The following ZNF560 variants were observed in gnomAD, a reference collection of about 807,000 sequenced individuals.
ZNF560 encodes zinc finger protein 560.
Under a neutral mutation model 81.8 loss-of-function variants are expected in ZNF560, and 54 were observed. The ratio of observed to expected loss-of-function variants is 0.66; its 90% confidence interval spans 0.53 to 0.83. ZNF560 has a LOEUF of 0.83. Among genes scored for constraint, ZNF560 ranks in the 40% least tolerant of loss-of-function variants. The pLI, the probability that ZNF560 is intolerant of heterozygous loss-of-function variation, is 0.00. For missense variants in ZNF560, 940 were observed against 932.4 expected (o/e 1.01, Z -0.11); for synonymous variants, 321 against 317.9 (o/e 1.01, Z -0.10).
chr19:9,460,182 A>G, the ZNF560 span, among the ~76,000 whole-genome samples: 2 of 152,124 alleles, frequency 1.3e-5, no homozygotes, highest in Admixed American at 6.5e-5. Flanking sequence ...AGGATCCCAA[A>G]CACCCACTGG....
At chr19:9,449,867 G>A in the ZNF560 span, among the ~76,000 whole-genome samples, 1 of 151,562 alleles carries the variant, frequency 6.6e-6, no homozygotes, top group African/African-American at 2.4e-5. Context: ...TACTTGGGAG[G>A]CTGAGGCAGG....
At chr19:9,450,358 G>C in the ZNF560 span, among the ~76,000 whole-genome samples, 3 of 151,822 alleles carry the variant, frequency 2.0e-5, no homozygotes, top group Non-Finnish European at 4.4e-5. Context: ...AGTACTAGGA[G>C]TCCCAGCCAG....
chr19:9,471,523 T>A, intron 5 of ZNF560, 145 bp from the exon 6 acceptor site: 1 of 561,450 alleles, frequency 1.8e-6, no homozygotes. Context: ...TTAGACTGTG[T>A]CAAAAAATTG....
At chr19:9,479,847 T>C (rs2073258378) in intron 2 of ZNF560, among the ~76,000 whole-genome samples, 1 of 151,850 alleles carries the variant, frequency 6.6e-6, no homozygotes, top group Non-Finnish European at 1.5e-5. Flanking sequence ...GACTTGAACA[T>C]GCCTAAATTT....
intron 4 of ZNF560, 49 bp downstream of exon 4, chr19:9,474,150 A>G (rs775573116): frequency 7.5e-6 from 12 of 1,609,280 alleles, no homozygotes; most frequent in Non-Finnish European, 1.0e-5. Context: ...GCAAGTACAC[A>G]ATGTATATCT....
At chr19:9,453,102 C>T in the ZNF560 span, among the ~76,000 whole-genome samples, 4 of 152,124 alleles carry the variant, frequency 2.6e-5, no homozygotes, top group South Asian at 2.1e-4. Context: ...GATGATGGGG[C>T]TCTCATGATA....
At chr19:9,488,669 A>C (rs923224469) in intron 2 of ZNF560, among the ~76,000 whole-genome samples, 4 of 152,158 alleles carry the variant, frequency 2.6e-5, no homozygotes, top group African/African-American at 4.8e-5. Context: ...GGGAACATGT[A>C]TGGGATGGAT....
intron 5 of ZNF560, among the ~76,000 whole-genome samples, chr19:9,471,632 A>C (rs2073124399): frequency 6.6e-6 from 1 of 152,232 alleles, no homozygotes; most frequent in African/African-American, 2.4e-5. Flanking sequence ...TGTTATCAGA[A>C]AAGTAGGAAA....
At chr19:9,465,171 G>A (rs1029014196), downstream of ZNF560, among the ~76,000 whole-genome samples, 5 of 140,072 alleles carry the variant, frequency 3.6e-5, no homozygotes, top group East Asian at 2.1e-4. Context: ...TCGCTCAGTC[G>A]CCAGGCTGGA....
At chr19:9,478,506 C>T (rs2073236798) in intron 2 of ZNF560, among the ~76,000 whole-genome samples, 1 of 152,032 alleles carries the variant, frequency 6.6e-6, no homozygotes, top group Non-Finnish European at 1.5e-5. Flanking sequence ...AATACTCAAA[C>T]ACTGTAATGG....
Position 9,466,969 on chromosome 19 carries a change from C to A in ZNF560, c.1978G>T (p.Ala660Ser), listed in dbSNP as rs776503523. Residue 660 changes from alanine to serine, a missense_variant, in exon 10 of 10, where the codon GCA becomes TCA. By Grantham distance (99) the Ala-to-Ser change is moderately conservative. Transcript: ENST00000301480. ...HTGYKPYKCN[A>S]CEKAYSRSCV... ...GACCTACTGTAAGCTTTTTCACATGCATTACATTTATAGGGTTTATATCCA... is the reference window on the plus strand; with the variant it reads ...GACCTACTGTAAGCTTTTTCACATGAATTACATTTATAGGGTTTATATCCA... 40 of 1,614,030 alleles carry A rather than the reference C, an allele frequency of 2.5e-5. No homozygotes were observed. The highest frequency in any genetic ancestry group is 3.2e-5 in the Non-Finnish European group (38 of 1,180,008).
upstream of ZNF560, among the ~76,000 whole-genome samples, chr19:9,499,403 C>T (rs1308540551): frequency 6.6e-6 from 1 of 152,160 alleles, no homozygotes; most frequent in Non-Finnish European, 1.5e-5. Context: ...CCATGTTGCC[C>T]AGGCTGGTCT....
chr19:9,452,038 T>C, the ZNF560 span, among the ~76,000 whole-genome samples: 2 of 151,888 alleles, frequency 1.3e-5, no homozygotes, highest in African/African-American at 4.8e-5. Context: ...ATTGTGCCAC[T>C]GCGCTCCAGC....
the ZNF560 span, among the ~76,000 whole-genome samples, chr19:9,506,570 A>G: frequency 6.6e-6 from 1 of 152,124 alleles, no homozygotes; most frequent in Non-Finnish European, 1.5e-5. Context: ...CAATATACTT[A>G]CCTTTACTAG....
the ZNF560 span, among the ~76,000 whole-genome samples, chr19:9,452,567 G>A: frequency 6.6e-6 from 1 of 152,272 alleles, no homozygotes. Context: ...ATACTACGCA[G>A]CCATAAAAAA....
the ZNF560 span, among the ~76,000 whole-genome samples, chr19:9,454,589 G>A: frequency 3.9e-3 from 598 of 152,246 alleles, 4 homozygotes; most frequent in East Asian, 0.039. Context: ...AGTCTGCCTC[G>A]GCAGCTCCTC....
At chr19:9,477,658 A>G (rs190921764) in intron 2 of ZNF560, among the ~76,000 whole-genome samples, 2 of 152,204 alleles carry the variant, frequency 1.3e-5, no homozygotes, top group African/African-American at 4.8e-5. Context: ...CCTTATATTG[A>G]CTATTTGATG....
intron 2 of ZNF560, among the ~76,000 whole-genome samples, chr19:9,485,275 A>G (rs1047851224): frequency 4.6e-5 from 7 of 152,210 alleles, no homozygotes; most frequent in Non-Finnish European, 1.0e-4. Context: ...AAAATCCTCA[A>G]CAAAATACTA....
chr19:9,448,164 A>T, the ZNF560 span, among the ~76,000 whole-genome samples: 1 of 152,090 alleles, frequency 6.6e-6, no homozygotes, highest in Non-Finnish European at 1.5e-5. Context: ...TCACTAAGGG[A>T]TTTCATTACC....
Sources: gnomAD v4.1 joint callset for allele counts (sites outside exome capture counted in the v4.1 genomes callset) on GRCh38, gnomAD v4.1.1 for gene constraint, MANE v1.5 for transcripts, NCBI Gene and HGNC (gene_info 2026-07-23, HGNC 2026-07-21) for gene names.